The following MDGA2 variants were observed in gnomAD, a reference collection of about 807,000 sequenced individuals.
MDGA2 encodes the protein MAM domain-containing glycosylphosphatidylinositol anchor protein 2.
In MDGA2, 40 loss-of-function variants were observed where a neutral mutation model predicts 117.8. The observed-to-expected ratio is 0.34, with a 90% confidence interval of 0.26 to 0.44. The LOEUF is 0.44. Among genes scored for constraint, MDGA2 ranks in the 20% least tolerant of loss-of-function variants. The probability of loss-of-function intolerance (pLI) is 1.00; values close to 1 mark genes in which losing one functional copy is unlikely to be tolerated. For missense variants in MDGA2, 1,123 were observed against 1,250.6 expected, an observed-to-expected ratio of 0.90 and a Z score of 1.54; for synonymous variants, 452 against 439.0, an observed-to-expected ratio of 1.03 and a Z score of -0.37.
chr14:47,466,563 C>T (rs1210783151), intron 1 of MDGA2, among the ~76,000 whole-genome samples: 1 of 152,090 alleles, frequency 6.6e-6, no homozygotes, highest in African/African-American at 2.4e-5. Flanking sequence ...TGTGACAAAG[C>T]TGTGCCTCAT....
chr14:47,473,823 C>T (rs1450865803), intron 1 of MDGA2, among the ~76,000 whole-genome samples: 5 of 152,054 alleles, frequency 3.3e-5, no homozygotes, highest in African/African-American at 9.7e-5. Flanking sequence ...GAACATAACT[C>T]AAAATATTAA....
intron 9 of MDGA2, among the ~76,000 whole-genome samples, chr14:46,921,236 G>T (rs945950245): frequency 6.6e-6 from 1 of 151,882 alleles, no homozygotes; most frequent in Non-Finnish European, 1.5e-5. Context: ...ATGTAGCTTC[G>T]CAATTCTTAA....
intron 2 of MDGA2, among the ~76,000 whole-genome samples, chr14:47,255,727 T>C (rs555695457): frequency 1.2e-4 from 19 of 152,156 alleles, no homozygotes; most frequent in East Asian, 9.8e-4. Flanking sequence ...CTGCTTGTCA[T>C]AGTACCTCAT....
chr14:47,590,798 T>C (rs1896423111), intron 1 of MDGA2, among the ~76,000 whole-genome samples: 1 of 151,954 alleles, frequency 6.6e-6, no homozygotes, highest in East Asian at 1.9e-4. Context: ...CACAAAAATT[T>C]TTCTGAATAG....
At chr14:47,503,790 A>G (rs1284320185) in intron 1 of MDGA2, among the ~76,000 whole-genome samples, 1 of 152,190 alleles carries the variant, frequency 6.6e-6, no homozygotes. Context: ...GCCAATACCA[A>G]TGCATATTCT....
intron 1 of MDGA2, among the ~76,000 whole-genome samples, chr14:47,476,538 G>GA (rs961524088): frequency 1.3e-5 from 2 of 148,978 alleles, no homozygotes; most frequent in African/African-American, 2.5e-5. Context: ...CCTGAGTGAA[G>GA]AAAAAAAATA....
intron 5 of MDGA2, among the ~76,000 whole-genome samples, chr14:47,100,177 T>A (rs1009746866): frequency 1.3e-5 from 2 of 152,062 alleles, no homozygotes; most frequent in African/African-American, 4.8e-5. Context: ...ATTTGGAAAT[T>A]GAAACTATTG....
At chr14:47,586,732 T>C (rs1705753639) in intron 1 of MDGA2, among the ~76,000 whole-genome samples, 1 of 151,884 alleles carries the variant, frequency 6.6e-6, no homozygotes, top group Non-Finnish European at 1.5e-5. Context: ...AGAAAGCCCT[T>C]CAAAAGCCAA....
Position 47,424,179 on chromosome 14 carries a change from G to C in MDGA2, c.281-122629C>G, listed in dbSNP as rs563520965. ...CTCACACCTATAATCCCAGCACTTT[G>C]GGATGCCCAGACATGTGGATTGCTT... On this transcript the variant is annotated intron_variant, in intron 1 of 16. Coordinates refer to ENST00000399232, the MANE Select transcript of MDGA2 (RefSeq NM_001113498.3). Among the ~76,000 whole-genome samples the C allele has an allele frequency of 2.0e-4, 31 of 152,236 alleles. No individual in the cohort carries two copies. The South Asian group carries it at 5.0e-3, about 24-fold the overall frequency.
chr14:47,300,885 T>C (rs540842777), intron 2 of MDGA2, among the ~76,000 whole-genome samples: 1 of 152,304 alleles, frequency 6.6e-6, no homozygotes, highest in East Asian at 1.9e-4. Context: ...AAGCTGTGGA[T>C]GACGATTCTG....
chr14:47,335,000 A>C (rs1360254426), intron 1 of MDGA2, among the ~76,000 whole-genome samples: 1 of 151,954 alleles, frequency 6.6e-6, no homozygotes, highest in Non-Finnish European at 1.5e-5. Flanking sequence ...GGTTTGTAAG[A>C]TAGCAGTAAA....
intron 6 of MDGA2, among the ~76,000 whole-genome samples, chr14:47,072,096 T>G (rs1431514369): frequency 1.8e-5 from 1 of 57,048 alleles, no homozygotes; most frequent in East Asian, 4.5e-4. Flanking sequence ...TTGGTTGTTG[T>G]TGTTTGGGGG....
At chr14:47,644,165 ACT>A (rs1897480883) in intron 1 of MDGA2, among the ~76,000 whole-genome samples, 1 of 152,148 alleles carries the variant, frequency 6.6e-6, no homozygotes, top group South Asian at 2.1e-4. Context: ...AGATTCCCAC[ACT>A]CTAATCCCTA....
At position 47,338,772 on chromosome 14, in the gene MDGA2, G is replaced by A. The variant is rs559913419; in HGVS notation, c.281-37222C>T. 3.9e-5 allele frequency among the ~76,000 whole-genome samples: 6 copies of A among 152,102 alleles called. No homozygotes were observed. In the Middle Eastern group the frequency reaches 0.014, roughly 345 times the overall value. On this transcript the variant is annotated intron_variant, in intron 1 of 16. Coordinates refer to ENST00000399232, the MANE Select transcript of MDGA2 (RefSeq NM_001113498.3). ...GCTATTTCACAGAAGGCATGTTTTC[G>A]AGCTATGAGATATTATGATTCATTT...
intron 1 of MDGA2, among the ~76,000 whole-genome samples, chr14:47,641,151 A>G (rs1465463952): frequency 1.3e-5 from 2 of 152,138 alleles, no homozygotes; most frequent in Non-Finnish European, 2.9e-5. Flanking sequence ...GTATGTATTC[A>G]ATGCAAATTA....
At chr14:46,844,871 T>TTTATTA (rs58606602) in intron 16 of MDGA2, among the ~76,000 whole-genome samples, 192 of 151,422 alleles carry the variant, frequency 1.3e-3, no homozygotes, top group African/African-American at 3.8e-3. Context: ...TCTGATGATT[T>TTTATTA]TTATTATTAT....
At chr14:47,426,945 T>C (rs906445621) in intron 1 of MDGA2, among the ~76,000 whole-genome samples, 4 of 151,932 alleles carry the variant, frequency 2.6e-5, no homozygotes, top group Admixed American at 1.3e-4. Flanking sequence ...TCTTAAATCA[T>C]AGGAAAAATG....
intron 14 of MDGA2, among the ~76,000 whole-genome samples, chr14:46,872,635 T>C (rs1396628249): frequency 2.0e-5 from 3 of 152,014 alleles, no homozygotes; most frequent in Non-Finnish European, 4.4e-5. Flanking sequence ...GCAAATGGTA[T>C]AAATGTCCAC....
At chr14:46,927,931 G>A (rs1884392976) in intron 9 of MDGA2, among the ~76,000 whole-genome samples, 1 of 152,070 alleles carries the variant, frequency 6.6e-6, no homozygotes, top group Non-Finnish European at 1.5e-5. Context: ...TTATAGCCCT[G>A]GAAAGCAGGT....
Sources: gnomAD v4.1 joint callset for allele counts (sites outside exome capture counted in the v4.1 genomes callset) on GRCh38, gnomAD v4.1.1 for gene constraint, MANE v1.5 for transcripts, NCBI Gene and HGNC (gene_info 2026-07-23, HGNC 2026-07-21) for gene names.